VAC14: variants seen among roughly 807,000 people sequenced by gnomAD.
VAC14 encodes VAC14 component of PIKFYVE complex.
In VAC14, 47 loss-of-function variants were observed where a neutral mutation model predicts 85.3. That is an observed-to-expected ratio of 0.55 (90% confidence interval 0.44 to 0.70). The LOEUF is 0.70. Among genes scored for constraint, VAC14 ranks in the 30% least tolerant of loss-of-function variants. VAC14 has a pLI of 0.00. For missense variants in VAC14, 861 were observed against 1,004.3 expected (o/e 0.86, Z 1.93); for synonymous variants, 447 against 430.5 (o/e 1.04, Z -0.47).
intron 14 of VAC14, chr16:70,714,829 G>A (rs549859936): frequency 6.6e-6 from 1 of 152,394 alleles, no homozygotes; most frequent in South Asian, 2.1e-4. Context: ...CTAGCCTGCG[G>A]TGTTTCACGA....
At chr16:70,705,469 G>A (rs903574776) in intron 14 of VAC14, among the ~76,000 whole-genome samples, 2 of 152,266 alleles carry the variant, frequency 1.3e-5, no homozygotes, top group Non-Finnish European at 2.9e-5. Flanking sequence ...ATGAACTCAA[G>A]AGAAGTTCAT....
At chr16:70,705,873 T>C (rs1194319520) in intron 14 of VAC14, among the ~76,000 whole-genome samples, 1 of 152,194 alleles carries the variant, frequency 6.6e-6, no homozygotes, top group Non-Finnish European at 1.5e-5. Flanking sequence ...AGTGGAGCCT[T>C]GTTGGTGGCC....
intron 18 of VAC14, chr16:70,690,027 A>G (rs955805295): frequency 2.0e-6 from 2 of 984,796 alleles, no homozygotes; most frequent in Non-Finnish European, 2.4e-6. Flanking sequence ...TCCCCATGAC[A>G]CTCCTGGCAA....
intron 10 of VAC14, among the ~76,000 whole-genome samples, chr16:70,768,194 C>T (rs1198951215): frequency 6.6e-6 from 1 of 152,186 alleles, no homozygotes; most frequent in Non-Finnish European, 1.5e-5. Context: ...CTGTTCTTTA[C>T]ATACTTTAAC....
chr16:70,737,163 C>T (rs985060982), intron 13 of VAC14, among the ~76,000 whole-genome samples: 1 of 152,238 alleles, frequency 6.6e-6, no homozygotes, highest in African/African-American at 2.4e-5. Context: ...CGCCTCACTG[C>T]TGCCTGCTCT....
chr16:70,766,974 T>A (rs1456918644), intron 10 of VAC14, among the ~76,000 whole-genome samples: 4 of 152,172 alleles, frequency 2.6e-5, no homozygotes, highest in Non-Finnish European at 5.9e-5. Context: ...TGTCGTGGCT[T>A]ACCTTACCCA....
At chr16:70,712,411 A>T (rs1442329130) in intron 14 of VAC14, among the ~76,000 whole-genome samples, 1 of 152,084 alleles carries the variant, frequency 6.6e-6, no homozygotes, top group Non-Finnish European at 1.5e-5. Flanking sequence ...ACCGACAGAG[A>T]AAGGCGGGTG....
Position 70,786,335 on chromosome 16 carries a change from ATTG to A in VAC14, c.132_134del (p.Asn45del). 1.2e-6 allele frequency: 2 copies of A among 1,614,180 alleles called. No homozygotes were observed. The highest frequency in any genetic ancestry group is 1.7e-6 in the Non-Finnish European group (2 of 1,180,024). ...GGATCACATGCTTGATTTGCACGGTATTGTTCTGGGCCACGAACTCCCGGACCA... is the reference window on the plus strand; with the variant it reads ...GGATCACATGCTTGATTTGCACGGTATTCTGGGCCACGAACTCCCGGACCA... On this transcript the variant is annotated inframe_deletion, in exon 2 of 19. Transcript: ENST00000261776.
At chr16:70,800,719 G>A in intron 1 of VAC14, 78 bp downstream of exon 1, 2 of 1,299,620 alleles carry the variant, frequency 1.5e-6, no homozygotes, top group Non-Finnish European at 2.2e-6. Flanking sequence ...ACCCTGGCTG[G>A]GAAGGCGTGA....
intron 9 of VAC14, among the ~76,000 whole-genome samples, chr16:70,774,139 C>G (rs934860842): frequency 6.6e-6 from 1 of 152,092 alleles, no homozygotes; most frequent in Non-Finnish European, 1.5e-5. Flanking sequence ...AAATGATTAC[C>G]CTAATTTGAA....
At chr16:70,731,902 T>G (rs1477064616) in intron 13 of VAC14, among the ~76,000 whole-genome samples, 2 of 152,152 alleles carry the variant, frequency 1.3e-5, no homozygotes, top group African/African-American at 2.4e-5. Context: ...TGTCCACCCT[T>G]TCATCCAAGC....
chr16:70,715,535 T>C (rs960731146), intron 14 of VAC14: 2 of 152,346 alleles, frequency 1.3e-5, no homozygotes, highest in African/African-American at 4.8e-5. Flanking sequence ...TGCCGCCCCC[T>C]GGGTGAAACT....
At chr16:70,763,291 G>A (rs1394578996) in intron 10 of VAC14, among the ~76,000 whole-genome samples, 2 of 152,192 alleles carry the variant, frequency 1.3e-5, no homozygotes, top group Non-Finnish European at 2.9e-5. Context: ...CTGGAACCAT[G>A]ATAACCATGT....
intron 9 of VAC14, among the ~76,000 whole-genome samples, chr16:70,777,737 G>C (rs2033593461): frequency 6.6e-6 from 1 of 152,228 alleles, no homozygotes; most frequent in South Asian, 2.1e-4. Flanking sequence ...ACACACAAAG[G>C]TTCTTGCCCG....
intron 14 of VAC14, among the ~76,000 whole-genome samples, chr16:70,700,504 T>G (rs2053804203): frequency 6.6e-6 from 1 of 152,166 alleles, no homozygotes; most frequent in Admixed American, 6.5e-5. Context: ...GCAATACCTA[T>G]CTGTGAAATA....
intron 14 of VAC14, among the ~76,000 whole-genome samples, chr16:70,704,142 C>T (rs1597860224): frequency 6.6e-6 from 1 of 152,252 alleles, no homozygotes; most frequent in South Asian, 2.1e-4. Context: ...CATCCACACA[C>T]AGCCCCTGCT....
intron 9 of VAC14, among the ~76,000 whole-genome samples, chr16:70,777,944 T>C (rs149791687): frequency 2.6e-5 from 4 of 152,248 alleles, no homozygotes; most frequent in African/African-American, 9.6e-5. Flanking sequence ...TGGCAGGGAC[T>C]GTCTCCTGGG....
At position 70,800,953 on chromosome 16, in the gene VAC14, CGCCGGGGCCAG is replaced by C; in HGVS notation, c.-64_-54del. The C allele has an allele frequency of 7.1e-7, 1 of 1,409,278 alleles. No individual in the cohort carries two copies. Among genetic ancestry groups the C allele is most frequent in the Non-Finnish European group, 9.6e-7 (1 of 1,046,114 alleles). The allele number at this position is 1,409,278 out of a possible 1,614,324, so 87.3% of individuals were successfully genotyped here. A position where few individuals can be genotyped will look rare whatever the true frequency, so the allele number is the denominator to read the frequency against. On this transcript the variant is annotated 5_prime_UTR_variant, in exon 1 of 19. An upstream open reading frame in the 5' UTR loses its in-frame stop. Transcript: ENST00000261776. ...CCTTAGCCCGCGGCTGCCGGGGCCG[CGCCGGGGCCAG>C]GGGAGTCTGCGGCTCCGCTCTGCCC...
At chr16:70,769,829 C>G (rs189960565) in intron 10 of VAC14, 1 of 152,262 alleles carries the variant, frequency 6.6e-6, no homozygotes, top group Admixed American at 6.5e-5. Flanking sequence ...CCTAGACCTC[C>G]CCGACCTCCC....
Sources: allele counts gnomAD v4.1 joint callset (sites outside exome capture counted in the v4.1 genomes callset), GRCh38; gene constraint gnomAD v4.1.1; transcripts MANE v1.5; gene names NCBI Gene and HGNC (gene_info 2026-07-23, HGNC 2026-07-21).